INO80D: variants seen among roughly 807,000 people sequenced by gnomAD.
INO80D encodes INO80 complex subunit D.
Under a neutral mutation model 87.6 loss-of-function variants are expected in INO80D, and 21 were observed. The observed-to-expected ratio is 0.24, with a 90% CI of 0.17 to 0.35. The LOEUF (loss-of-function observed/expected upper bound fraction) is 0.35, where lower values mean the gene tolerates loss of function less well. Among genes scored for constraint, INO80D ranks in the 10% least tolerant of loss-of-function variants. The probability of loss-of-function intolerance (pLI) is 1.00; values close to 1 mark genes in which losing one functional copy is unlikely to be tolerated. For synonymous variants in INO80D, 440 were observed against 491.0 expected (o/e 0.90, Z 1.37); for missense variants, 982 against 1,280.7 (o/e 0.77, Z 3.56).
Position 206,019,807 on chromosome 2 carries a change from G to A in INO80D, c.1337C>T (p.Ala446Val). 1 of 1,613,914 alleles carries A rather than the reference G, an allele frequency of 6.2e-7. No individual in the cohort carries two copies. Among genetic ancestry groups the A allele is most frequent in the South Asian group, 1.1e-5 (1 of 91,046 alleles). The change falls in exon 7 of 11, where the codon GCA becomes GTA. Residue 446 changes from alanine (A) to valine (V), a missense_variant. Coordinates refer to ENST00000403263, the MANE Select transcript of INO80D (RefSeq NM_017759.5). ...RTKLREVEPA[A>V]CSGTVKGEQC... ...TTCACCCTTCACGGTTCCACTGCAT[G>A]CTGCTGGTTCCACCTCCCTCAGCTT...
chr2:206,057,251 C>T (rs1689549997), intron 3 of INO80D, among the ~76,000 whole-genome samples: 1 of 152,164 alleles, frequency 6.6e-6, no homozygotes, highest in Non-Finnish European at 1.5e-5. Flanking sequence ...ATTCTCTATT[C>T]ATAGCATACA....
At chr2:206,081,578 C>T (rs1378880337) in intron 1 of INO80D, among the ~76,000 whole-genome samples, 2 of 151,850 alleles carry the variant, frequency 1.3e-5, no homozygotes, top group Admixed American at 6.6e-5. Flanking sequence ...CATGGGGAAA[C>T]CCTGTCTCTA....
chr2:206,069,661 C>T (rs1264808941), intron 1 of INO80D, among the ~76,000 whole-genome samples: 1 of 152,158 alleles, frequency 6.6e-6, no homozygotes, highest in Non-Finnish European at 1.5e-5. Flanking sequence ...AAACTGTAGT[C>T]TGTCTCCTTT....
In INO80D at chr2:206,075,991, G is replaced by A. The variant is rs1448272242; in HGVS notation, c.-124+9910C>T. On this transcript the variant is annotated intron_variant, in intron 1 of 10. Coordinates refer to ENST00000403263, the MANE Select transcript of INO80D (RefSeq NM_017759.5). ...TGCTTGTACCCGGGAGGTGGAGGTT[G>A]CAGTAAGCCAAGATAGCACCACTGC... Among the ~76,000 whole-genome samples the A allele has an allele frequency of 4.6e-5, 7 of 150,570 alleles. No individual in the cohort carries two copies. In the East Asian group the frequency reaches 1.4e-3, roughly 30 times the overall value.
intron 1 of INO80D, among the ~76,000 whole-genome samples, chr2:206,079,036 C>CA (rs1044102522): frequency 6.6e-6 from 1 of 151,682 alleles, no homozygotes; most frequent in African/African-American, 2.4e-5. Context: ...GAAACCATCA[C>CA]AAAAAGTGTG....
In INO80D at chr2:206,085,385, C is replaced by T. The variant is rs532644060; in HGVS notation, c.-124+516G>A. On this transcript the variant is annotated intron_variant, in intron 1 of 10. Transcript: ENST00000403263. The surrounding 1 kb of genome is among the most constrained non-coding windows in gnomAD (Gnocchi z 4.5). Reference sequence around the variant, plus strand: ...AGCCGGGCGCCCATTCCCCACTCCCCACTCCTAGGCCCTGACGCCCCTGTC... The same window carrying T: ...AGCCGGGCGCCCATTCCCCACTCCCTACTCCTAGGCCCTGACGCCCCTGTC... 6 of 152,116 alleles carry T rather than the reference C, an allele frequency of 3.9e-5. No individual in the cohort carries two copies. The highest frequency in any genetic ancestry group is 7.4e-5 in the Non-Finnish European group (5 of 67,994). 9.4% of individuals were successfully genotyped at this position (152,116 alleles called of 1,614,324 possible). A position where few individuals can be genotyped will look rare whatever the true frequency, so the allele number is the denominator to read the frequency against.
At chr2:206,007,505 C>G (rs1322555675) in intron 9 of INO80D, 64 bp from the exon 10 acceptor site, 56 of 1,514,854 alleles carry the variant, frequency 3.7e-5, no homozygotes, top group Non-Finnish European at 4.8e-5. Context: ...TACCACCAAG[C>G]CAAGTTCATT....
chr2:206,022,244 GTAA>G (rs1029858538), intron 6 of INO80D, among the ~76,000 whole-genome samples: 2 of 151,932 alleles, frequency 1.3e-5, no homozygotes, highest in African/African-American at 4.8e-5. Context: ...GCGGGCACCT[GTAA>G]TCCCAGCTAC....
chr2:206,068,694 AT>A (rs566164387), intron 1 of INO80D, among the ~76,000 whole-genome samples: 187 of 151,030 alleles, frequency 1.2e-3, no homozygotes, highest in African/African-American at 4.1e-3. Flanking sequence ...CTTTTGAGCA[AT>A]TTTTTTTTCT....
intron 3 of INO80D, among the ~76,000 whole-genome samples, chr2:206,058,711 G>A (rs1051469517): frequency 4.6e-5 from 7 of 152,054 alleles, no homozygotes; most frequent in African/African-American, 1.7e-4. Flanking sequence ...TCCAGCCTGA[G>A]AGACAGAGCA....
At chr2:206,025,542 A>AAAAAAAAAAAATATATATAT (rs71301548) in intron 6 of INO80D, 1 of 76,936 alleles carries the variant, frequency 1.3e-5, no homozygotes, top group African/African-American at 4.4e-5. Flanking sequence ...AAAAAAAAAA[A>AAAAAAAAAAAATATATATAT]ATATATATAT....
intron 5 of INO80D, among the ~76,000 whole-genome samples, chr2:206,031,144 C>T (rs947444779): frequency 1.3e-5 from 2 of 151,778 alleles, no homozygotes; most frequent in Non-Finnish European, 2.9e-5. Context: ...GTCCCAGCTA[C>T]TTGGGAGGCT....
rs1175389682 is a variant in INO80D, at chr2:206,047,856, A to ATTTTTTTTTTT, written c.965-1255_965-1245dup. ...CTAATGAGGTTTCGGATTTCTTTCA[A>ATTTTTTTTTTT]TTTTTTTTTTTTGAGACGGAGTCTC... On this transcript the variant is annotated intron_variant, in intron 4 of 10. Coordinates refer to ENST00000403263, the MANE Select transcript of INO80D (RefSeq NM_017759.5). Among the ~76,000 whole-genome samples, 20 of 139,478 alleles carry ATTTTTTTTTTT rather than the reference A, an allele frequency of 1.4e-4. 4 individuals are homozygous for ATTTTTTTTTTT. The highest frequency in any genetic ancestry group is 2.3e-4 in the South Asian group (1 of 4,356). 91.5% of individuals were successfully genotyped at this position (139,478 alleles called of 152,430 possible).
In INO80D at chr2:206,005,553, C is replaced by T. The variant is rs774148687; in HGVS notation, c.1919-20G>A. ...TCTTCCCTGAGTCAACAAAAGCCATCGACAATCAGTAGAGCTTTTACCAGT... is the reference window on the plus strand; with the variant it reads ...TCTTCCCTGAGTCAACAAAAGCCATTGACAATCAGTAGAGCTTTTACCAGT... On this transcript the variant is annotated intron_variant, in intron 10 of 10. Transcript: ENST00000403263. 2.2e-5 allele frequency: 35 copies of T among 1,575,810 alleles called. No individual in the cohort carries two copies. The highest frequency in any genetic ancestry group is 1.9e-4 in the Admixed American group (11 of 58,798).
intron 5 of INO80D, among the ~76,000 whole-genome samples, chr2:206,042,155 TA>T (rs1009395970): frequency 6.6e-6 from 1 of 151,828 alleles, no homozygotes; most frequent in Non-Finnish European, 1.5e-5. Flanking sequence ...TTTAACTGAA[TA>T]AAAATGAAAA....
intron 5 of INO80D, among the ~76,000 whole-genome samples, chr2:206,035,909 T>C (rs745500064): frequency 2.0e-5 from 3 of 151,940 alleles, no homozygotes; most frequent in Non-Finnish European, 4.4e-5. Context: ...CAATAAAAAG[T>C]GGGCTACGGA....
intron 5 of INO80D, among the ~76,000 whole-genome samples, chr2:206,044,877 T>C (rs1689154063): frequency 6.6e-6 from 1 of 152,190 alleles, no homozygotes; most frequent in Admixed American, 6.5e-5. Flanking sequence ...CATTAGGAAG[T>C]ATGACTGATG....
chr2:206,009,608 C>T lies in INO80D; in HGVS notation c.1729G>A (p.Val577Ile), dbSNP rs181659829. 31 of 1,613,628 alleles carry T rather than the reference C, an allele frequency of 1.9e-5. No homozygotes were observed. The Middle Eastern group carries it at 6.7e-4, about 35-fold the overall frequency. The change falls in exon 9 of 11, where the codon GTC becomes ATC. Residue 577 changes from valine to isoleucine, a missense_variant. By Grantham distance (29) the Val-to-Ile change is conservative. Transcript: ENST00000403263. ...PQGNLSMPAS[V>I]SLPVEASHIR... is the part of the protein sequence containing the mutation. ...TGAGAGGCCTCCACTGGCAGTGAGA[C>T]GCTGGCGGGCATGCTGAGGTTCCCT...
At chr2:206,073,362 G>A (rs1389190808) in intron 1 of INO80D, among the ~76,000 whole-genome samples, 1 of 152,070 alleles carries the variant, frequency 6.6e-6, no homozygotes. Flanking sequence ...TTTTACTAAA[G>A]GTGAAGTTCA....
Sources: allele counts gnomAD v4.1 joint callset (sites outside exome capture counted in the v4.1 genomes callset), GRCh38; gene constraint gnomAD v4.1.1; non-coding constraint Gnocchi (gnomAD v3.1); transcripts MANE v1.5; gene names NCBI Gene and HGNC (gene_info 2026-07-23, HGNC 2026-07-21).